Variants in PDE3A observed in about 807,000 individuals in gnomAD.
PDE3A encodes phosphodiesterase 3A.
In PDE3A, 43 loss-of-function variants were observed where a neutral mutation model predicts 98.3. The observed-to-expected ratio is 0.44, with a 90% CI of 0.34 to 0.56. The LOEUF is 0.56. Among genes scored for constraint, PDE3A ranks in the 20% least tolerant of loss-of-function variants. The pLI, the probability that PDE3A is intolerant of heterozygous loss-of-function variation, is 0.01. For missense variants in PDE3A, 1,427 were observed against 1,440.7 expected, an observed-to-expected ratio of 0.99 and a Z score of 0.15; for synonymous variants, 663 against 567.9, an observed-to-expected ratio of 1.17 and a Z score of -2.38.
At chr12:20,445,542 G>T (rs1300656098) in intron 1 of PDE3A, among the ~76,000 whole-genome samples, 1 of 152,070 alleles carries the variant, frequency 6.6e-6, no homozygotes, top group Non-Finnish European at 1.5e-5. Flanking sequence ...TTAAAATATG[G>T]GTGGCAGTGT....
At chr12:20,652,895 A>G (rs1042307780) in intron 14 of PDE3A, among the ~76,000 whole-genome samples, 1 of 152,244 alleles carries the variant, frequency 6.6e-6, no homozygotes, top group Non-Finnish European at 1.5e-5. Context: ...CAGGCAACCT[A>G]CAGAATGGGA....
At chr12:20,675,078 G>A (rs1282374635) in intron 15 of PDE3A, among the ~76,000 whole-genome samples, 1 of 151,744 alleles carries the variant, frequency 6.6e-6, no homozygotes, top group East Asian at 1.9e-4. Context: ...TATTTATTGT[G>A]TTAAACTTCC....
At chr12:20,406,498 TG>T (rs2120686981) in intron 1 of PDE3A, among the ~76,000 whole-genome samples, 1 of 152,354 alleles carries the variant, frequency 6.6e-6, no homozygotes, top group South Asian at 2.1e-4. Flanking sequence ...CACCTTTTCA[TG>T]TACTTGTTGG....
Position 20,552,567 on chromosome 12 carries a change from G to T in PDE3A, c.961-4093G>T. 1 of 1,613,814 alleles carries T rather than the reference G, an allele frequency of 6.2e-7. No individual in the cohort carries two copies. Among genetic ancestry groups the T allele is most frequent in the Non-Finnish European group, 8.5e-7 (1 of 1,179,824 alleles). On this transcript the variant is annotated intron_variant, in intron 1 of 15. Coordinates refer to ENST00000359062, the MANE Select transcript of PDE3A (RefSeq NM_000921.5). The surrounding 1 kb of genome is among the most constrained non-coding windows in gnomAD (Gnocchi z 5.1). ...CGTCCCCCAGGACGGGCAAGGGCAA[G>T]TGGAAGCGGAAGTCGGCAGGAGGTG...
chr12:20,387,412 A>C (rs903119231), intron 1 of PDE3A, among the ~76,000 whole-genome samples: 3 of 152,038 alleles, frequency 2.0e-5, no homozygotes, highest in Non-Finnish European at 4.4e-5. Context: ...ATGAGCATAG[A>C]ATGTTTTTCC....
intron 1 of PDE3A, among the ~76,000 whole-genome samples, chr12:20,492,124 G>A (rs981386845): frequency 6.6e-6 from 1 of 152,056 alleles, no homozygotes; most frequent in African/African-American, 2.4e-5. Flanking sequence ...GGGATTACAC[G>A]TGTGCATCAC....
chr12:20,400,494 C>T (rs1317673423), intron 1 of PDE3A, among the ~76,000 whole-genome samples: 1 of 147,630 alleles, frequency 6.8e-6, no homozygotes, highest in East Asian at 2.0e-4. Context: ...GCAAGCTCCA[C>T]CTCCCTGGTT....
intron 1 of PDE3A, chr12:20,449,835 A>G (rs763486223): frequency 8.9e-6 from 5 of 561,964 alleles, no homozygotes; most frequent in Non-Finnish European, 1.6e-5. Flanking sequence ...GCACTAATTT[A>G]CTGGCAGAGA....
intron 2 of PDE3A, among the ~76,000 whole-genome samples, chr12:20,603,144 A>T (rs1310840439): frequency 1.3e-5 from 2 of 152,198 alleles, no homozygotes; most frequent in Non-Finnish European, 2.9e-5. Flanking sequence ...ATTGAGGACC[A>T]AAGTTGGATG....
chr12:20,687,016 G>A lies in PDE3A; in HGVS notation c.*6745G>A, dbSNP rs1358039208. On this transcript the variant is annotated 3_prime_UTR_variant, in exon 16 of 16. Transcript: ENST00000359062. ...TTTATGACAAGGAGCACTTATACAT[G>A]TTTCCAAATGTGAATTAGCCCTTGA... 1.3e-5 allele frequency among the ~76,000 whole-genome samples: 2 copies of A among 152,080 alleles called. No homozygotes were observed. Among genetic ancestry groups the A allele is most frequent in the Non-Finnish European group, 2.9e-5 (2 of 67,978 alleles).
intron 1 of PDE3A, among the ~76,000 whole-genome samples, chr12:20,525,269 G>T (rs75280392): frequency 0.011 from 1,627 of 152,256 alleles, 32 homozygotes; most frequent in African/African-American, 0.037. Flanking sequence ...GGTCACCCAG[G>T]AAGTGTGCTT....
chr12:20,657,538 A>C (rs1021426662), intron 15 of PDE3A, among the ~76,000 whole-genome samples: 1 of 152,228 alleles, frequency 6.6e-6, no homozygotes, highest in African/African-American at 2.4e-5. Context: ...CCCACCTTAT[A>C]ATTAAATCTG....
Position 20,552,583 on chromosome 12 carries a change from G to T in PDE3A, c.961-4077G>T. On this transcript the variant is annotated intron_variant, in intron 1 of 15. Coordinates refer to ENST00000359062, the MANE Select transcript of PDE3A (RefSeq NM_000921.5). This position sits in a 1 kb window ranked among gnomAD's most constrained non-coding sequence, Gnocchi z 5.1. ...CAAGGGCAAGTGGAAGCGGAAGTCG[G>T]CAGGAGGTGGCCCGAGCAGGGCCGG... 1 of 1,613,776 alleles carries T rather than the reference G, an allele frequency of 6.2e-7. No individual in the cohort carries two copies. The highest frequency in any genetic ancestry group is 8.5e-7 in the Non-Finnish European group (1 of 1,179,820).
At chr12:20,512,929 A>G (rs1424667545) in intron 1 of PDE3A, among the ~76,000 whole-genome samples, 1 of 152,144 alleles carries the variant, frequency 6.6e-6, no homozygotes, top group Non-Finnish European at 1.5e-5. Context: ...ATTATTCATA[A>G]TAGAAGTCAC....
At chr12:20,460,883 A>T (rs151113132) in intron 1 of PDE3A, among the ~76,000 whole-genome samples, 98 of 152,252 alleles carry the variant, frequency 6.4e-4, no homozygotes, top group African/African-American at 2.2e-3. Flanking sequence ...TCCCTCAGTC[A>T]TTCAGATCAT....
At chr12:20,605,767 A>G (rs1038440805) in intron 2 of PDE3A, among the ~76,000 whole-genome samples, 2 of 152,192 alleles carry the variant, frequency 1.3e-5, no homozygotes, top group Non-Finnish European at 1.5e-5. Context: ...TCTCAATTCT[A>G]ATGTTTCAGC....
intron 1 of PDE3A, among the ~76,000 whole-genome samples, chr12:20,542,472 C>T (rs1234999527): frequency 7.3e-6 from 1 of 137,300 alleles, no homozygotes; most frequent in African/African-American, 2.7e-5. Flanking sequence ...CACACACACA[C>T]ATACACTTTT....
chr12:20,504,271 T>C (rs2121093196), intron 1 of PDE3A, among the ~76,000 whole-genome samples: 1 of 152,202 alleles, frequency 6.6e-6, no homozygotes, highest in East Asian at 1.9e-4. Flanking sequence ...AATTCATATA[T>C]GTGAAAAAGC....
chr12:20,588,548 G>C (rs1592085457), intron 2 of PDE3A, among the ~76,000 whole-genome samples: 1 of 152,170 alleles, frequency 6.6e-6, no homozygotes, highest in Non-Finnish European at 1.5e-5. Context: ...GCATGGCAGT[G>C]GTGGGCTACA....
Sources: gnomAD v4.1 joint callset for allele counts (sites outside exome capture counted in the v4.1 genomes callset) on GRCh38, gnomAD v4.1.1 for gene constraint, Gnocchi (gnomAD v3.1) non-coding constraint, MANE v1.5 for transcripts, NCBI Gene and HGNC (gene_info 2026-07-23, HGNC 2026-07-21) for gene names.